FOXP2: variants seen among roughly 807,000 people sequenced by gnomAD.
FOXP2 encodes forkhead box P2, also known as forkhead box protein P2.
A neutral mutation model predicts 115.8 loss-of-function variants in FOXP2; 12 were observed. That is an observed-to-expected ratio of 0.10 (90% CI 0.07 to 0.17). FOXP2 has a LOEUF of 0.17. Ranked by LOEUF, FOXP2 falls within the 10% of genes least tolerant of loss-of-function variation. FOXP2 has a pLI of 1.00. For missense variants in FOXP2, 629 were observed against 843.5 expected, an observed-to-expected ratio of 0.75 and a Z score of 3.15; for synonymous variants, 328 against 297.7, an observed-to-expected ratio of 1.10 and a Z score of -1.05.
At chr7:114,406,662 A>T (rs1479092002) in intron 2 of FOXP2, among the ~76,000 whole-genome samples, 1 of 152,012 alleles carries the variant, frequency 6.6e-6, no homozygotes, top group Non-Finnish European at 1.5e-5. Flanking sequence ...ATTGAGGAAA[A>T]AGTTAAAAAA....
intron 2 of FOXP2, among the ~76,000 whole-genome samples, chr7:114,388,281 A>G (rs759630476): frequency 1.3e-5 from 2 of 152,112 alleles, no homozygotes; most frequent in Non-Finnish European, 2.9e-5. Context: ...CCTTTAGGCT[A>G]GTTGTAACCA....
At chr7:114,451,520 C>A (rs916418659) in intron 2 of FOXP2, among the ~76,000 whole-genome samples, 1 of 151,974 alleles carries the variant, frequency 6.6e-6, no homozygotes, top group Non-Finnish European at 1.5e-5. Flanking sequence ...ATAGTTTGTT[C>A]TTGTCCTTAT....
In FOXP2 at chr7:114,271,974, T is replaced by C. The variant is rs538044893; in HGVS notation, c.-101-16045T>C. 1.9e-3 allele frequency among the ~76,000 whole-genome samples: 249 copies of C among 133,866 alleles called. 2 individuals carry two copies. Among genetic ancestry groups the C allele is most frequent in the African/African-American group, 6.7e-3 (240 of 35,838 alleles). The allele number at this position is 133,866 out of a possible 152,430, so 87.8% of individuals were successfully genotyped here. On this transcript the variant is annotated intron_variant, in intron 1 of 17. Transcript: ENST00000634411. ...TTATTATTATATTAATTATATATAA[T>C]ATAATTATATATAATATATAATATG...
intron 6 of FOXP2, among the ~76,000 whole-genome samples, chr7:114,635,208 T>C (rs1001475463): frequency 3.3e-5 from 5 of 152,242 alleles, no homozygotes; most frequent in African/African-American, 1.2e-4. Flanking sequence ...CAAAATTAGC[T>C]GTTTGGCTTT....
chr7:114,617,564 C>T (rs1438739786), intron 3 of FOXP2, among the ~76,000 whole-genome samples: 1 of 152,146 alleles, frequency 6.6e-6, no homozygotes, highest in Non-Finnish European at 1.5e-5. Context: ...GAGGCGGAGG[C>T]GGGTGGATCA....
chr7:114,543,109 A>C (rs1799760027), intron 3 of FOXP2, among the ~76,000 whole-genome samples: 1 of 152,110 alleles, frequency 6.6e-6, no homozygotes, highest in African/African-American at 2.4e-5. Flanking sequence ...AAGTCACCCT[A>C]TCTTAATATG....
At chr7:114,682,640 C>G (rs1808149274) in intron 16 of FOXP2, among the ~76,000 whole-genome samples, 2 of 152,038 alleles carry the variant, frequency 1.3e-5, no homozygotes, top group South Asian at 4.1e-4. Flanking sequence ...TTTAATGGCT[C>G]TCATATCCTA....
intron 2 of FOXP2, among the ~76,000 whole-genome samples, chr7:114,464,829 CTGTTTGTGACA>C (rs1229951441): frequency 1.1e-4 from 17 of 152,148 alleles, no homozygotes; most frequent in Admixed American, 7.2e-4. Context: ...AACAAAAAAC[CTGTTTGTGACA>C]TACTACTCTA....
At chr7:114,431,682 A>C (rs986818437) in intron 2 of FOXP2, among the ~76,000 whole-genome samples, 1 of 151,902 alleles carries the variant, frequency 6.6e-6, no homozygotes, top group Non-Finnish European at 1.5e-5. Context: ...TGTAATTGTA[A>C]TTTTTATTAA....
intron 1 of FOXP2, among the ~76,000 whole-genome samples, chr7:114,101,291 A>G (rs916029811): frequency 2.0e-5 from 3 of 152,182 alleles, no homozygotes; most frequent in African/African-American, 7.2e-5. Context: ...AAAAGCTGCC[A>G]GTGCCTCTGC....
intron 1 of FOXP2, among the ~76,000 whole-genome samples, chr7:114,244,414 C>T (rs1378026070): frequency 6.6e-6 from 1 of 152,144 alleles, no homozygotes; most frequent in African/African-American, 2.4e-5. Context: ...CTTGGATGGA[C>T]AGTTATGATT....
At chr7:114,673,927 G>C (rs79870679) in intron 16 of FOXP2, among the ~76,000 whole-genome samples, 1 of 152,034 alleles carries the variant, frequency 6.6e-6, no homozygotes, top group Non-Finnish European at 1.5e-5. Context: ...GTCTCAAACT[G>C]CTGGCCTCAG....
chr7:114,310,684 A>G (rs1797127848), intron 2 of FOXP2, among the ~76,000 whole-genome samples: 1 of 151,972 alleles, frequency 6.6e-6, no homozygotes, highest in Non-Finnish European at 1.5e-5. Context: ...GTTGTTGGAC[A>G]ACCTGGGAGA....
intron 1 of FOXP2, among the ~76,000 whole-genome samples, chr7:114,255,216 C>A (rs1645878726): frequency 6.6e-6 from 1 of 152,196 alleles, no homozygotes; most frequent in African/African-American, 2.4e-5. Flanking sequence ...GCGATGCCTC[C>A]CAGTTAGGCT....
intron 1 of FOXP2, among the ~76,000 whole-genome samples, chr7:114,206,364 C>T (rs1794201977): frequency 6.6e-6 from 1 of 152,106 alleles, no homozygotes; most frequent in Non-Finnish European, 1.5e-5. Context: ...ATGTTTCTGA[C>T]CTGTTGACCT....
chr7:114,551,000 G>C (rs970809546), intron 3 of FOXP2, among the ~76,000 whole-genome samples: 4 of 151,830 alleles, frequency 2.6e-5, no homozygotes, highest in Non-Finnish European at 5.9e-5. Flanking sequence ...CTACCTTTTT[G>C]CTTGATATTC....
chr7:114,519,303 A>G (rs1279401267), intron 2 of FOXP2, among the ~76,000 whole-genome samples: 1 of 152,182 alleles, frequency 6.6e-6, no homozygotes, highest in East Asian at 1.9e-4. Context: ...AATCACAGGA[A>G]GGTCCTGAGT....
At chr7:114,491,872 C>CT (rs1280957724) in intron 2 of FOXP2, among the ~76,000 whole-genome samples, 4 of 152,188 alleles carry the variant, frequency 2.6e-5, no homozygotes, top group Non-Finnish European at 5.9e-5. Context: ...CTAAAAGTCT[C>CT]TTTTTTTGTT....
At chr7:114,159,050 C>T (rs181169023), upstream of FOXP2, among the ~76,000 whole-genome samples, 154 of 151,972 alleles carry the variant, frequency 1.0e-3, no homozygotes, top group Middle Eastern at 3.4e-3. Context: ...TGTATATGTT[C>T]GAGAATCATT....
Sources: gnomAD v4.1 joint callset for allele counts (sites outside exome capture counted in the v4.1 genomes callset) on GRCh38, gnomAD v4.1.1 for gene constraint, MANE v1.5 for transcripts, NCBI Gene and HGNC (gene_info 2026-07-23, HGNC 2026-07-21) for gene names.